ULK2: variants seen among roughly 807,000 people sequenced by gnomAD.
ULK2 encodes unc-51 like autophagy activating kinase 2.
Under a neutral mutation model 127.5 loss-of-function variants are expected in ULK2, and 76 were observed. That is an observed-to-expected ratio of 0.60 (90% CI 0.50 to 0.72). ULK2 has a LOEUF of 0.72. Among genes scored for constraint, ULK2 ranks in the 30% least tolerant of loss-of-function variants. The pLI is 0.00. For missense variants in ULK2, 1,144 were observed against 1,295.9 expected (o/e 0.88, Z 1.80); for synonymous variants, 452 against 461.9 (o/e 0.98, Z 0.28).
At chr17:19,859,448 G>A (rs1055968511) in intron 3 of ULK2, among the ~76,000 whole-genome samples, 21 of 152,176 alleles carry the variant, frequency 1.4e-4, no homozygotes, top group African/African-American at 5.1e-4. Flanking sequence ...GAACTCAGGA[G>A]GCAGAGGTTG....
At chr17:19,842,523 G>A (rs890649006) in intron 8 of ULK2, among the ~76,000 whole-genome samples, 3 of 151,746 alleles carry the variant, frequency 2.0e-5, no homozygotes, top group South Asian at 2.1e-4. Context: ...ATACTATCTC[G>A]GGCAAATATT....
chr17:19,829,240 A>G (rs2041370679), intron 10 of ULK2, among the ~76,000 whole-genome samples: 1 of 152,214 alleles, frequency 6.6e-6, no homozygotes, highest in African/African-American at 2.4e-5. Flanking sequence ...AAAGACAAAA[A>G]GTACGTTAAA....
Position 19,867,627 on chromosome 17 carries a change from G to C in ULK2, c.-210C>G, listed in dbSNP as rs1433204223. 3.7e-6 allele frequency: 1 copy of C among 270,980 alleles called. No individual in the cohort carries two copies. The highest frequency in any genetic ancestry group is 6.8e-5 in the East Asian group (1 of 14,666). The allele number at this position is 270,980 out of a possible 1,614,324, so 16.8% of individuals were successfully genotyped here. ...AGCCAGGGTCAGCGAGGCCCGGCCCGGCCCCTGCCGCTCATGGCCCGGCCT... is the reference window on the plus strand; with the variant it reads ...AGCCAGGGTCAGCGAGGCCCGGCCCCGCCCCTGCCGCTCATGGCCCGGCCT... On this transcript the variant is annotated 5_prime_UTR_variant, in exon 1 of 27. Transcript: ENST00000395544.
chr17:19,805,364 T>C (rs1206762400), intron 14 of ULK2, among the ~76,000 whole-genome samples: 1 of 152,232 alleles, frequency 6.6e-6, no homozygotes, highest in Non-Finnish European at 1.5e-5. Flanking sequence ...GTTTCTTTAA[T>C]AGCCTCTTTC....
chr17:19,796,565 T>C (rs972421030), intron 18 of ULK2, among the ~76,000 whole-genome samples: 2 of 152,224 alleles, frequency 1.3e-5, no homozygotes, highest in Non-Finnish European at 2.9e-5. Context: ...TTAGTTTACT[T>C]AGGCCTTGGA....
chr17:19,820,559 G>A (rs1033933656), intron 12 of ULK2, among the ~76,000 whole-genome samples: 1 of 152,188 alleles, frequency 6.6e-6, no homozygotes, highest in Non-Finnish European at 1.5e-5. Flanking sequence ...GGAGCTACCA[G>A]CTAGCTAAGG....
intron 24 of ULK2, 76 bp from the exon 25 acceptor site, chr17:19,780,705 G>T: frequency 2.1e-6 from 3 of 1,423,292 alleles, no homozygotes; most frequent in Non-Finnish European, 2.8e-6. Flanking sequence ...TATCTTTCCT[G>T]CTGATATATA....
intron 22 of ULK2, among the ~76,000 whole-genome samples, chr17:19,782,473 AT>A (rs1254324795): frequency 6.6e-6 from 1 of 152,212 alleles, no homozygotes; most frequent in Non-Finnish European, 1.5e-5. Flanking sequence ...ACTTCTTATA[AT>A]TTCAGAGTTG....
intron 20 of ULK2, among the ~76,000 whole-genome samples, chr17:19,790,278 G>T (rs2087124050): frequency 6.6e-6 from 1 of 152,138 alleles, no homozygotes; most frequent in Non-Finnish European, 1.5e-5. Flanking sequence ...TTTGCCAGGT[G>T]TGGTGGCAGG....
At chr17:19,830,597 T>C (rs2041413070) in intron 10 of ULK2, among the ~76,000 whole-genome samples, 1 of 141,050 alleles carries the variant, frequency 7.1e-6, no homozygotes, top group African/African-American at 2.7e-5. Context: ...CAGTGGTTCA[T>C]GCCTGTCCTT....
intron 22 of ULK2, among the ~76,000 whole-genome samples, chr17:19,783,320 G>A (rs1033385263): frequency 9.9e-5 from 15 of 152,012 alleles, no homozygotes; most frequent in Non-Finnish European, 1.5e-4. Flanking sequence ...GCATGGTGGC[G>A]TGTGCCTGTA....
At position 19,845,343 on chromosome 17, in the gene ULK2, G is replaced by A; in HGVS notation, c.504C>T (p.Asn168=). Residue 168 remains asparagine (N), a synonymous_variant, in exon 7 of 27, where the codon AAC becomes AAT. Coordinates refer to ENST00000395544, the MANE Select transcript of ULK2 (RefSeq NM_014683.4). ...ATCCACACAGTGTTGCAGCCATCAT[G>A]TTACTATGTAGGTAACGAGCAAAAC... The part of the protein sequence containing the change: ...DFGFARYLHS[N]MMAATLCGSP... 1 of 1,613,970 alleles carries A rather than the reference G, an allele frequency of 6.2e-7. No individual in the cohort carries two copies.
chr17:19,860,801 G>C (rs939297468), intron 3 of ULK2: 3 of 152,136 alleles, frequency 2.0e-5, no homozygotes, highest in African/African-American at 4.8e-5. Context: ...TGGTATTACA[G>C]GCATGAGCCA....
chr17:19,781,954 C>T lies in ULK2; in HGVS notation c.2574G>A (p.Val858=), dbSNP rs1194785961. 1.2e-6 allele frequency: 2 copies of T among 1,614,122 alleles called. No homozygotes were observed. The highest frequency in any genetic ancestry group is 3.3e-5 in the Admixed American group (2 of 60,008). ...GGNPELCTSA[V]SLYQIQESVV... is the part of the protein sequence containing the mutation. ...CACTCTCCTGGATCTGGTACAAGGA[C>T]ACAGCAGATGTGCACAGCTCAGGGT... Residue 858 remains valine, a synonymous_variant, in exon 23 of 27, where the codon GTG becomes GTA. Coordinates refer to ENST00000395544, the MANE Select transcript of ULK2 (RefSeq NM_014683.4).
rs757051231 is a variant in ULK2, at chr17:19,816,825, A to G, written c.1020T>C (p.Ser340=). 4 of 1,612,112 alleles carry G rather than the reference A, an allele frequency of 2.5e-6. No homozygotes were observed. In the East Asian group the frequency reaches 6.7e-5, roughly 27 times the overall value. ...CACAAGAAGAGTTCTTGCTACTAGT[A>G]CTGGCAGAATCTTTGGAAACTTGTA... ...NYLQVSKDSA[S]TSSKNSSCDT... Residue 340 remains serine (S), a synonymous_variant, in exon 13 of 27, where the codon AGT becomes AGC. Transcript: ENST00000395544.
intron 9 of ULK2, among the ~76,000 whole-genome samples, chr17:19,839,732 AT>A (rs1371381729): frequency 1.3e-5 from 2 of 152,178 alleles, no homozygotes; most frequent in Admixed American, 6.5e-5. Context: ...AAATTCACTA[AT>A]AAAGAGAATA....
chr17:19,864,247 G>C (rs1316935254), intron 3 of ULK2, among the ~76,000 whole-genome samples: 2 of 152,170 alleles, frequency 1.3e-5, no homozygotes, highest in African/African-American at 2.4e-5. Flanking sequence ...GTGGGAGGAT[G>C]ACTTGAGGTC....
chr17:19,866,456 G>T (rs950547041), intron 1 of ULK2, among the ~76,000 whole-genome samples: 2 of 152,140 alleles, frequency 1.3e-5, no homozygotes, highest in Admixed American at 1.3e-4. Flanking sequence ...TGCAGTGAGC[G>T]GAGATCTCGC....
intron 12 of ULK2, among the ~76,000 whole-genome samples, chr17:19,821,777 G>A (rs1396357161): frequency 1.3e-5 from 2 of 152,058 alleles, no homozygotes; most frequent in African/African-American, 4.8e-5. Context: ...GGGTCTCTCT[G>A]TATCCAGGCT....
Sources: allele counts gnomAD v4.1 joint callset (sites outside exome capture counted in the v4.1 genomes callset), GRCh38; gene constraint gnomAD v4.1.1; transcripts MANE v1.5; gene names NCBI Gene and HGNC (gene_info 2026-07-23, HGNC 2026-07-21).